CDH12: variants seen among roughly 807,000 people sequenced by gnomAD.
CDH12 encodes the protein cadherin 12, also known as cadherin-12.
CDH12 carries 41 observed loss-of-function variants against 74.1 expected under a neutral mutation model. That is an observed-to-expected ratio of 0.55 (90% confidence interval 0.43 to 0.72). CDH12 has a LOEUF of 0.72. Ranked by LOEUF, CDH12 falls within the 30% of genes least tolerant of loss-of-function variation. CDH12 has a pLI of 0.00. For synonymous variants in CDH12, 399 were observed against 355.0 expected (o/e 1.12, Z -1.39); for missense variants, 945 against 977.2 (o/e 0.97, Z 0.44).
intron 3 of CDH12, among the ~76,000 whole-genome samples, chr5:22,346,985 C>T (rs902010403): frequency 6.6e-6 from 1 of 152,156 alleles, no homozygotes; most frequent in Non-Finnish European, 1.5e-5. Flanking sequence ...TTGAGTAATA[C>T]AGAAAACCAA....
chr5:21,824,952 G>A (rs925150421), intron 8 of CDH12, among the ~76,000 whole-genome samples: 1 of 152,036 alleles, frequency 6.6e-6, no homozygotes, highest in African/African-American at 2.4e-5. Context: ...TCAGGAGTTC[G>A]AGACCGGCCT....
At chr5:22,441,228 A>T (rs573330258) in intron 2 of CDH12, among the ~76,000 whole-genome samples, 1 of 152,322 alleles carries the variant, frequency 6.6e-6, no homozygotes, top group East Asian at 1.9e-4. Flanking sequence ...ACCTACATGT[A>T]TATTTCATTA....
intron 4 of CDH12, among the ~76,000 whole-genome samples, chr5:22,105,915 T>C (rs535722918): frequency 1.3e-4 from 20 of 152,118 alleles, no homozygotes; most frequent in Non-Finnish European, 2.6e-4. Context: ...CACAGGATAA[T>C]ATAACTTTTC....
chr5:21,813,960 G>C (rs553424967), intron 9 of CDH12, among the ~76,000 whole-genome samples: 2 of 152,106 alleles, frequency 1.3e-5, no homozygotes, highest in Non-Finnish European at 2.9e-5. Flanking sequence ...GAGTATGAGT[G>C]CAGGCAGTGT....
rs1470072695 is a variant in CDH12, at chr5:21,791,846, T to G, written c.1257-8352A>C. 2.6e-5 allele frequency among the ~76,000 whole-genome samples: 4 copies of G among 151,884 alleles called. No individual in the cohort carries two copies. The South Asian group carries it at 8.3e-4, about 31-fold the overall frequency. On this transcript the variant is annotated intron_variant, in intron 10 of 14. Transcript: ENST00000382254. Reference sequence around the variant, plus strand: ...TCTATTTATTAGGTAAGCATTTCCCTTAAAATTGTACTTTTCAATTTGCTT... The same window carrying G: ...TCTATTTATTAGGTAAGCATTTCCCGTAAAATTGTACTTTTCAATTTGCTT...
intron 5 of CDH12, among the ~76,000 whole-genome samples, chr5:22,075,790 A>G (rs1011788446): frequency 3.9e-5 from 6 of 152,110 alleles, no homozygotes; most frequent in African/African-American, 1.4e-4. Context: ...AAGTTGTCCA[A>G]TGGTGAACTG....
intron 6 of CDH12, among the ~76,000 whole-genome samples, chr5:21,925,734 T>C (rs775637510): frequency 5.9e-5 from 9 of 152,188 alleles, no homozygotes; most frequent in Non-Finnish European, 1.0e-4. Context: ...TATGCAATAA[T>C]TGATGCATTT....
At chr5:22,043,025 A>T (rs1057168503) in intron 5 of CDH12, among the ~76,000 whole-genome samples, 4 of 152,158 alleles carry the variant, frequency 2.6e-5, no homozygotes, top group South Asian at 2.1e-4. Context: ...GAGCATTTTT[A>T]AAAAATCAAA....
chr5:22,798,857 T>C (rs181477372), intron 1 of CDH12, among the ~76,000 whole-genome samples: 2 of 152,272 alleles, frequency 1.3e-5, no homozygotes. Flanking sequence ...CTCATGTCTG[T>C]AATCCCAGCA....
chr5:22,072,821 A>G lies in CDH12; in HGVS notation c.231+5625T>C, dbSNP rs1183518556. On this transcript the variant is annotated intron_variant, in intron 5 of 14. Coordinates refer to ENST00000382254, the MANE Select transcript of CDH12 (RefSeq NM_004061.5). ...TTATAACACTTTAGTTTAATAGAGTATTGAAATGATTGTTAGCACTTAAGA... is the reference window on the plus strand; with the variant it reads ...TTATAACACTTTAGTTTAATAGAGTGTTGAAATGATTGTTAGCACTTAAGA... Among the ~76,000 whole-genome samples the G allele has an allele frequency of 8.6e-5, 13 of 151,938 alleles. No homozygotes were observed. In the South Asian group the frequency reaches 2.3e-3, roughly 27 times the overall value.
intron 1 of CDH12, among the ~76,000 whole-genome samples, chr5:22,775,122 A>T (rs1747024529): frequency 6.6e-6 from 1 of 151,912 alleles, no homozygotes; most frequent in South Asian, 2.1e-4. Context: ...GCTCATGGGC[A>T]ATTATTTCTC....
chr5:22,695,193 T>A (rs1742298244), intron 1 of CDH12, among the ~76,000 whole-genome samples: 1 of 152,196 alleles, frequency 6.6e-6, no homozygotes, highest in Admixed American at 6.5e-5. Flanking sequence ...GGCTGCATAG[T>A]ATCCCATGGT....
chr5:22,681,257 G>A (rs1741476558), intron 1 of CDH12, among the ~76,000 whole-genome samples: 1 of 151,356 alleles, frequency 6.6e-6, no homozygotes, highest in Non-Finnish European at 1.5e-5. Flanking sequence ...GTGTGTGTGT[G>A]TGTGTGTATT....
At chr5:22,377,858 T>C (rs1286550494) in intron 3 of CDH12, among the ~76,000 whole-genome samples, 1 of 152,174 alleles carries the variant, frequency 6.6e-6, no homozygotes, top group Non-Finnish European at 1.5e-5. Flanking sequence ...GGCAAGGTAA[T>C]GACAAAGGTG....
chr5:21,972,783 T>G (rs1208757315), intron 6 of CDH12, among the ~76,000 whole-genome samples: 2 of 152,110 alleles, frequency 1.3e-5, no homozygotes, highest in East Asian at 3.9e-4. Context: ...ATAAGCAGTG[T>G]TTATACCTCT....
chr5:22,416,314 A>G (rs1445966857), intron 2 of CDH12, among the ~76,000 whole-genome samples: 1 of 151,642 alleles, frequency 6.6e-6, no homozygotes, highest in African/African-American at 2.4e-5. Context: ...TGACCTCGTG[A>G]TCCGCCCGCC....
At chr5:22,432,548 T>A (rs1744214987) in intron 2 of CDH12, among the ~76,000 whole-genome samples, 1 of 149,624 alleles carries the variant, frequency 6.7e-6, no homozygotes, top group Non-Finnish European at 1.5e-5. Context: ...TATGTTTATG[T>A]CTGTGTGTGT....
At chr5:21,826,660 C>T (rs1224765502) in intron 8 of CDH12, among the ~76,000 whole-genome samples, 1 of 152,052 alleles carries the variant, frequency 6.6e-6, no homozygotes, top group African/African-American at 2.4e-5. Context: ...GGGGAAATTA[C>T]CCTTTTAGAA....
intron 6 of CDH12, among the ~76,000 whole-genome samples, chr5:21,876,752 C>T (rs925852375): frequency 2.0e-5 from 3 of 152,302 alleles, no homozygotes; most frequent in Non-Finnish European, 2.9e-5. Context: ...GCACTATCTC[C>T]AATGCTCTTC....
Sources: gnomAD v4.1 joint callset for allele counts (sites outside exome capture counted in the v4.1 genomes callset) on GRCh38, gnomAD v4.1.1 for gene constraint, MANE v1.5 for transcripts, NCBI Gene and HGNC (gene_info 2026-07-23, HGNC 2026-07-21) for gene names.